ZNF606: variants seen among roughly 807,000 people sequenced by gnomAD.
The protein encoded by ZNF606 is zinc finger protein 328.
ZNF606 carries 37 observed loss-of-function variants against 74.9 expected under a neutral mutation model. The observed-to-expected ratio is 0.49, with a 90% CI of 0.38 to 0.65. The LOEUF is 0.65. Among genes scored for constraint, ZNF606 ranks in the 30% least tolerant of loss-of-function variants. The probability of loss-of-function intolerance (pLI) is 0.00; values close to 1 mark genes in which losing one functional copy is unlikely to be tolerated. For synonymous variants in ZNF606, 328 were observed against 312.4 expected (o/e 1.05, Z -0.53); for missense variants, 852 against 952.9 (o/e 0.89, Z 1.39).
At position 58,002,423 on chromosome 19, in the gene ZNF606, A is replaced by T. The variant is rs1407794610; in HGVS notation, c.-79T>A. 6 of 455,906 alleles carry T rather than the reference A, an allele frequency of 1.3e-5. No individual in the cohort carries two copies. Among genetic ancestry groups the T allele is most frequent in the Non-Finnish European group, 2.6e-5 (6 of 226,644 alleles). The allele number at this position is 455,906 out of a possible 1,614,324, so 28.2% of individuals were successfully genotyped here. ...GGCTCGCGGCCGGCGGTCCCCCTTGAAGGCGGCGCAGCAGGATCGGGGTCT... is the reference window on the plus strand; with the variant it reads ...GGCTCGCGGCCGGCGGTCCCCCTTGTAGGCGGCGCAGCAGGATCGGGGTCT... On this transcript the variant is annotated 5_prime_UTR_variant, in exon 1 of 7. Coordinates refer to ENST00000551380, the MANE Select transcript of ZNF606 (RefSeq NM_001348022.3).
intron 2 of ZNF606, among the ~76,000 whole-genome samples, 164 bp from the exon 3 acceptor site, chr19:58,000,903 G>A (rs927246425): frequency 2.6e-5 from 4 of 152,166 alleles, no homozygotes; most frequent in African/African-American, 9.7e-5. Context: ...CACAGGCAAT[G>A]CACAGGTGAG....
chr19:57,979,470 C>G lies in ZNF606; in HGVS notation c.1210G>C (p.Glu404Gln), dbSNP rs2073045435. The G allele has an allele frequency of 6.2e-7, 1 of 1,614,016 alleles. No individual in the cohort carries two copies. Among genetic ancestry groups the G allele is most frequent in the Admixed American group, 1.7e-5 (1 of 59,998 alleles). Residue 404 changes from glutamate to glutamine, a missense_variant, in exon 7 of 7, where the codon GAA (glutamate) becomes CAA (glutamine). By Grantham distance (29) the Glu-to-Gln change is conservative. This residue lies in a region of ZNF606 where 545 missense variants were observed against 542.5 expected (regional missense o/e 1.00). Coordinates refer to ENST00000551380, the MANE Select transcript of ZNF606 (RefSeq NM_001348022.3). ...YTAEKPYDYN[E>Q]CGTSFIWSSY... ...CTCCAGATGAAAGACGTCCCACATT[C>G]ATTGTAGTCATAGGGTTTCTCTGCA...
At chr19:57,991,905 G>A (rs2073267494) in intron 4 of ZNF606, among the ~76,000 whole-genome samples, 1 of 152,162 alleles carries the variant, frequency 6.6e-6, no homozygotes, top group South Asian at 2.1e-4. Flanking sequence ...CTGTGCTGAT[G>A]GCCCAGGGTG....
chr19:57,992,626 A>G (rs540214190), intron 4 of ZNF606, among the ~76,000 whole-genome samples: 3 of 152,354 alleles, frequency 2.0e-5, no homozygotes, highest in East Asian at 1.9e-4. Flanking sequence ...TATGAACTGG[A>G]TATCAGGTGA....
At chr19:57,996,295 A>C (rs945965087) in intron 4 of ZNF606, among the ~76,000 whole-genome samples, 7 of 152,312 alleles carry the variant, frequency 4.6e-5, no homozygotes, top group African/African-American at 1.4e-4. Context: ...TGAGGTCAGA[A>C]GTTTGAGGCC....
rs912216980 is a variant in ZNF606, at chr19:58,000,735, G to A, written c.36C>T (p.Ala12=). 7 of 1,591,694 alleles carry A rather than the reference G, an allele frequency of 4.4e-6. No individual in the cohort carries two copies. In the Admixed American group the frequency reaches 5.2e-5, roughly 12 times the overall value. Residue 12 remains alanine, a synonymous_variant, in exon 3 of 7, where the codon GCC becomes GCT. Coordinates refer to ENST00000551380, the MANE Select transcript of ZNF606 (RefSeq NM_001348022.3). The stretch of plus-strand genomic sequence containing the variant: ...TCATCCCCCAAGATTGGTCCGTAAG[G>A]GCACCTGCACAGAAGGATCAGGTTA... The part of the protein sequence containing the change: ...AAINPWASWG[A]LTDQSWGMTA...
In ZNF606 at chr19:57,977,118, C is replaced by T. The variant is rs777124874; in HGVS notation, c.*1183G>A. 25 of 152,194 alleles carry T rather than the reference C, an allele frequency of 1.6e-4. No homozygotes were observed. The highest frequency in any genetic ancestry group is 3.1e-4 in the Non-Finnish European group (21 of 68,032). 9.4% of individuals were successfully genotyped at this position (152,194 alleles called of 1,614,324 possible). A position where few individuals can be genotyped will look rare whatever the true frequency, so the allele number is the denominator to read the frequency against. On this transcript the variant is annotated 3_prime_UTR_variant, in exon 7 of 7. Coordinates refer to ENST00000551380, the MANE Select transcript of ZNF606 (RefSeq NM_001348022.3). The stretch of plus-strand genomic sequence containing the variant: ...TTTTCTTTTTATTATCAAATCTCTG[C>T]TATAGAAACACTGAAGAAAATGGGA...
intron 4 of ZNF606, among the ~76,000 whole-genome samples, chr19:57,991,463 T>C (rs977608761): frequency 6.6e-6 from 1 of 152,224 alleles, no homozygotes; most frequent in Non-Finnish European, 1.5e-5. Context: ...GTATGCTTGA[T>C]GACTACTGTT....
At chr19:57,980,344 T>C in intron 6 of ZNF606, 65 bp from the exon 7 acceptor site, 16 of 1,468,046 alleles carry the variant, frequency 1.1e-5, no homozygotes, top group Non-Finnish European at 1.5e-5. Context: ...GTGGGAATGG[T>C]GAGATTTACT....
rs914488878 is a variant in ZNF606 at position 57,979,467 on chromosome 19, A to G, written c.1213T>C (p.Cys405Arg). 6.2e-7 allele frequency: 1 copy of G among 1,614,142 alleles called. No individual in the cohort carries two copies. Among genetic ancestry groups the G allele is most frequent in the Non-Finnish European group, 8.5e-7 (1 of 1,180,022 alleles). Reference protein sequence around the residue: ...TAEKPYDYNECGTSFIWSSYL... With the variant: ...TAEKPYDYNERGTSFIWSSYL... The stretch of plus-strand genomic sequence containing the variant: ...GAGCTCCAGATGAAAGACGTCCCAC[A>G]TTCATTGTAGTCATAGGGTTTCTCT... Residue 405 changes from cysteine to arginine, a missense_variant, in exon 7 of 7, where the codon TGT becomes CGT. By Grantham distance (180) the Cys-to-Arg change is radical. Around this residue, in one of 3 missense-constraint regions of ZNF606, gnomAD observed 545 missense variants for 542.5 expected, o/e 1.00. Transcript: ENST00000551380.
At position 57,977,306 on chromosome 19, in the gene ZNF606, C is replaced by T. The variant is rs887209730; in HGVS notation, c.*995G>A. On this transcript the variant is annotated 3_prime_UTR_variant, in exon 7 of 7. Coordinates refer to ENST00000551380, the MANE Select transcript of ZNF606 (RefSeq NM_001348022.3). Reference sequence around the variant, plus strand: ...AAAACTGGGGTAACAGTACCTATCTCAGAGTAAAGGGGACTAAACAAGTTA... The same window carrying T: ...AAAACTGGGGTAACAGTACCTATCTTAGAGTAAAGGGGACTAAACAAGTTA... 2.0e-5 allele frequency: 3 copies of T among 152,164 alleles called. No individual in the cohort carries two copies. The highest frequency in any genetic ancestry group is 6.5e-5 in the Admixed American group (1 of 15,272). 9.4% of individuals were successfully genotyped at this position (152,164 alleles called of 1,614,324 possible).
At chr19:57,985,979 T>C (rs1053394040) in intron 6 of ZNF606, among the ~76,000 whole-genome samples, 3 of 151,786 alleles carry the variant, frequency 2.0e-5, no homozygotes, top group Non-Finnish European at 4.4e-5. Flanking sequence ...GAGAGAATCC[T>C]GAAAGCAGAG....
At chr19:58,002,083 A>G in intron 1 of ZNF606, 3 of 434,882 alleles carry the variant, frequency 6.9e-6, no homozygotes, top group Non-Finnish European at 1.4e-5. Context: ...GGGCCTCAGG[A>G]GCACCGGAAT....
At chr19:57,999,238 A>G (rs1436824246) in intron 4 of ZNF606, 1 of 152,900 alleles carries the variant, frequency 6.5e-6, no homozygotes, top group Non-Finnish European at 1.5e-5. Context: ...CTTCCCCTCC[A>G]CAGTAAAAGC....
intron 3 of ZNF606, 61 bp from the exon 4 acceptor site, chr19:57,999,957 C>T: frequency 2.0e-6 from 3 of 1,528,376 alleles, no homozygotes; most frequent in Non-Finnish European, 1.8e-6. Flanking sequence ...ACCTTTTCTT[C>T]TGGGGGGCTG....
chr19:57,991,645 T>C (rs566673435), intron 4 of ZNF606, among the ~76,000 whole-genome samples: 1 of 152,216 alleles, frequency 6.6e-6, no homozygotes, highest in East Asian at 1.9e-4. Context: ...CTGGGCATGG[T>C]GGTGCACGCC....
upstream of ZNF606, chr19:58,002,972 C>A (rs770442126): frequency 8.8e-6 from 4 of 455,680 alleles, no homozygotes; most frequent in African/African-American, 8.0e-5. Flanking sequence ...TCGAAGCCGG[C>A]GGCAGGATGG....
intron 3 of ZNF606, chr19:58,000,228 C>CTTTT: frequency 2.3e-5 from 8 of 346,862 alleles, no homozygotes; most frequent in South Asian, 6.2e-5. Context: ...CACTGGTTTT[C>CTTTT]TTTTTTTTTT....
At chr19:57,988,831 T>C in intron 4 of ZNF606, 110 bp from the exon 5 acceptor site, 1 of 1,539,444 alleles carries the variant, frequency 6.5e-7, no homozygotes, top group Non-Finnish European at 8.8e-7. Context: ...GTAGAGAAAC[T>C]CTCCTGGTTA....
Sources: gnomAD v4.1 joint callset for allele counts (sites outside exome capture counted in the v4.1 genomes callset) on GRCh38, gnomAD v4.1.1 for gene constraint, gnomAD v4.1.1 regional missense constraint, MANE v1.5 for transcripts, NCBI Gene and HGNC (gene_info 2026-07-23, HGNC 2026-07-21) for gene names.